The following ARRDC5 variants were observed in gnomAD, a reference collection of about 807,000 sequenced individuals.
ARRDC5 encodes the protein arrestin domain containing 5.
A neutral mutation model predicts 13.3 loss-of-function variants in ARRDC5; 12 were observed. The observed-to-expected ratio is 0.90, with a 90% CI of 0.58 to 1.46. ARRDC5 has a LOEUF of 1.46. Ranked by LOEUF, ARRDC5 falls within the 40% of genes most tolerant of loss-of-function variation. The pLI is 0.00. For synonymous variants in ARRDC5, 181 were observed against 173.4 expected, an observed-to-expected ratio of 1.04 and a Z score of -0.34; for missense variants, 406 against 418.7, an observed-to-expected ratio of 0.97 and a Z score of 0.26.
chr19:4,909,705 G>A, the ARRDC5 span: 1 of 503,692 alleles, frequency 2.0e-6, no homozygotes, highest in Non-Finnish European at 3.5e-6. Context: ...GGCGCACGGG[G>A]CTCGGGAACT....
At chr19:4,896,486 C>T (rs1357334080) in intron 2 of ARRDC5, among the ~76,000 whole-genome samples, 185 bp downstream of exon 2, 2 of 150,876 alleles carry the variant, frequency 1.3e-5, no homozygotes, top group East Asian at 3.9e-4. Flanking sequence ...TGGCTTACTG[C>T]AGCCTTGACC....
At chr19:4,911,151 C>G in the ARRDC5 span, 26 of 1,016,180 alleles carry the variant, frequency 2.6e-5, no homozygotes, top group African/African-American at 2.8e-4. Context: ...CTCGTCCGGT[C>G]CCACTTCATC....
intron 2 of ARRDC5, among the ~76,000 whole-genome samples, chr19:4,894,060 AAAG>A (rs1156594597): frequency 6.8e-6 from 1 of 147,162 alleles, no homozygotes; most frequent in Non-Finnish European, 1.5e-5. Context: ...AAAAAAAAAA[AAAG>A]AGGAGAAGAA....
At chr19:4,904,414 C>T (rs985498659), upstream of ARRDC5, among the ~76,000 whole-genome samples, 3 of 152,130 alleles carry the variant, frequency 2.0e-5, no homozygotes, top group African/African-American at 7.2e-5. Context: ...CTCCTGACCT[C>T]GTGATCCGCC....
At chr19:4,906,330 A>G (rs775012759), upstream of ARRDC5, among the ~76,000 whole-genome samples, 2 of 152,170 alleles carry the variant, frequency 1.3e-5, no homozygotes, top group African/African-American at 2.4e-5. Context: ...CAAGATGACT[A>G]GGGAACTGGA....
At chr19:4,909,551 T>A in the ARRDC5 span, 1 of 658,854 alleles carries the variant, frequency 1.5e-6, no homozygotes, top group South Asian at 1.6e-5. Flanking sequence ...GCGCTCCGGG[T>A]CGCACGCAAG....
intron 1 of ARRDC5, among the ~76,000 whole-genome samples, chr19:4,899,291 G>C (rs1436758487): frequency 6.7e-6 from 1 of 149,168 alleles, no homozygotes; most frequent in African/African-American, 2.5e-5. Flanking sequence ...CAGCCTGGGC[G>C]ACAGAGTGAG....
upstream of ARRDC5, chr19:4,903,028 TC>T: frequency 1.8e-6 from 1 of 550,556 alleles, no homozygotes; most frequent in Non-Finnish European, 3.0e-6. Context: ...CCTCACTGGT[TC>T]TTTTTTTTTT....
rs1276570896 is a variant in ARRDC5 at position 4,896,358 on chromosome 19, TTTTAC to T, written c.459+308_459+312del. Among the ~76,000 whole-genome samples the T allele has an allele frequency of 7.7e-3, 655 of 84,602 alleles. 7 individuals are homozygous for T. Among genetic ancestry groups the T allele is most frequent in the African/African-American group, 0.017 (328 of 19,598 alleles). 55.5% of individuals were successfully genotyped at this position (84,602 alleles called of 152,430 possible). ...TATATATATATATATATTTTTTTTT[TTTTAC>T]ACACACACACACACACACACACACA... On this transcript the variant is annotated intron_variant, in intron 2 of 2. Transcript: ENST00000650722.
upstream of ARRDC5, among the ~76,000 whole-genome samples, chr19:4,907,547 C>T (rs916282884): frequency 4.7e-5 from 7 of 149,214 alleles, no homozygotes; most frequent in Non-Finnish European, 1.0e-4. Flanking sequence ...TGGGATTACA[C>T]GTGTGAGCCA....
At chr19:4,895,139 C>T (rs1156745842) in intron 2 of ARRDC5, among the ~76,000 whole-genome samples, 4 of 151,580 alleles carry the variant, frequency 2.6e-5, no homozygotes, top group South Asian at 4.2e-4. Context: ...ATAGCGGTAC[C>T]GGCTAGGAGC....
chr19:4,897,191 C>T (rs920987894), intron 1 of ARRDC5, among the ~76,000 whole-genome samples: 5 of 152,074 alleles, frequency 3.3e-5, no homozygotes, highest in African/African-American at 1.2e-4. Context: ...TCCTGGCCTC[C>T]GGCGATCCGC....
chr19:4,914,848 A>T, the ARRDC5 span, among the ~76,000 whole-genome samples: 1 of 152,066 alleles, frequency 6.6e-6, no homozygotes, highest in Non-Finnish European at 1.5e-5. Context: ...TGCGAATTCA[A>T]TGAGGTTGTG....
At chr19:4,901,079 C>T (rs2031895959) in intron 1 of ARRDC5, among the ~76,000 whole-genome samples, 2 of 151,612 alleles carry the variant, frequency 1.3e-5, no homozygotes, top group South Asian at 2.1e-4. Context: ...CAGGAGGTTG[C>T]GGTGAGCCGA....
chr19:4,903,778 C>T (rs2031999249), upstream of ARRDC5: 1 of 152,232 alleles, frequency 6.6e-6, no homozygotes, highest in Non-Finnish European at 1.5e-5. Context: ...GCTGGGATTA[C>T]AGTTGTGAGC....
At chr19:4,899,938 CA>C (rs1302409667) in intron 1 of ARRDC5, among the ~76,000 whole-genome samples, 1 of 147,508 alleles carries the variant, frequency 6.8e-6, no homozygotes, top group African/African-American at 2.5e-5. Context: ...ACTCCGTCTC[CA>C]AAAAAGTAAA....
chr19:4,912,893 A>G, the ARRDC5 span, among the ~76,000 whole-genome samples: 1 of 151,502 alleles, frequency 6.6e-6, no homozygotes, highest in Admixed American at 6.6e-5. Flanking sequence ...CCAAGTAGCT[A>G]GGACTATAGG....
rs1366165216 is a variant in ARRDC5, at chr19:4,892,340, C to T, written c.460-767G>A. On this transcript the variant is annotated intron_variant, in intron 2 of 2. Transcript: ENST00000650722. ...TCCTGACCTTGTGATCCGCCTGCCTCGGCCTACCAAAGTGCTGGGATTACA... is the reference window on the plus strand; with the variant it reads ...TCCTGACCTTGTGATCCGCCTGCCTTGGCCTACCAAAGTGCTGGGATTACA... Among the ~76,000 whole-genome samples the T allele has an allele frequency of 4.6e-5, 7 of 151,838 alleles. No individual in the cohort carries two copies. The South Asian group carries it at 6.2e-4, about 13-fold the overall frequency.
At chr19:4,893,726 C>CAAAA (rs61307077) in intron 2 of ARRDC5, among the ~76,000 whole-genome samples, 1 of 56,922 alleles carries the variant, frequency 1.8e-5, no homozygotes, top group African/African-American at 7.8e-5. Flanking sequence ...ACCCTGTCTC[C>CAAAA]AAAAAAAAAA....
Sources: allele counts gnomAD v4.1 joint callset (sites outside exome capture counted in the v4.1 genomes callset), GRCh38; gene constraint gnomAD v4.1.1; transcripts MANE v1.5; gene names NCBI Gene and HGNC (gene_info 2026-07-23, HGNC 2026-07-21).